The following LINGO2 variants were observed in gnomAD, a reference collection of about 807,000 sequenced individuals.
The protein encoded by LINGO2 is leucine rich repeat and Ig domain containing 2, also known as leucine-rich repeat and immunoglobulin-like domain-containing nogo receptor-interacting protein 2.
Under a neutral mutation model 30.6 loss-of-function variants are expected in LINGO2, and 14 were observed. The observed-to-expected ratio is 0.46, with a 90% CI of 0.30 to 0.72. The LOEUF (loss-of-function observed/expected upper bound fraction) is 0.72, where lower values mean the gene tolerates loss of function less well. Ranked by LOEUF, LINGO2 falls within the 30% of genes least tolerant of loss-of-function variation. The pLI is 0.07. For synonymous variants in LINGO2, 317 were observed against 288.5 expected, an observed-to-expected ratio of 1.10 and a Z score of -1.00; for missense variants, 729 against 751.7, an observed-to-expected ratio of 0.97 and a Z score of 0.35.
intron 1 of LINGO2, among the ~76,000 whole-genome samples, chr9:28,518,959 C>T (rs1378597610): frequency 6.6e-6 from 1 of 152,160 alleles, no homozygotes; most frequent in Non-Finnish European, 1.5e-5. Flanking sequence ...TGTACTGTTG[C>T]ATCCTATAAA....
At chr9:28,430,105 CGCGCGTGTGTGT>C (rs747013967) in intron 2 of LINGO2, among the ~76,000 whole-genome samples, 1 of 30,308 alleles carries the variant, frequency 3.3e-5, no homozygotes, top group Non-Finnish European at 1.1e-4. Flanking sequence ...CACGCGCGCG[CGCGCGTGTGTGT>C]GTGTGTGTGT....
At chr9:28,876,417 C>T in the LINGO2 span, among the ~76,000 whole-genome samples, 1 of 148,022 alleles carries the variant, frequency 6.8e-6, no homozygotes, top group African/African-American at 2.6e-5. Flanking sequence ...CACCCAACAA[C>T]AGTCCCCAGA....
At chr9:28,810,999 T>C in the LINGO2 span, among the ~76,000 whole-genome samples, 2 of 152,170 alleles carry the variant, frequency 1.3e-5, no homozygotes, top group Non-Finnish European at 1.5e-5. Flanking sequence ...TAGCTTCTTA[T>C]TTCCAGCTGA....
the LINGO2 span, among the ~76,000 whole-genome samples, chr9:29,116,431 A>T: frequency 3.3e-5 from 5 of 151,718 alleles, no homozygotes; most frequent in Admixed American, 3.3e-4. Flanking sequence ...TATAATTTGT[A>T]TTCATTTATA....
At chr9:28,567,294 A>G (rs1823430285) in intron 1 of LINGO2, among the ~76,000 whole-genome samples, 1 of 152,108 alleles carries the variant, frequency 6.6e-6, no homozygotes, top group Non-Finnish European at 1.5e-5. Context: ...ACCATTGGCT[A>G]TTTACCCAAA....
chr9:29,191,730 T>G, the LINGO2 span, among the ~76,000 whole-genome samples: 1 of 152,280 alleles, frequency 6.6e-6, no homozygotes, highest in Non-Finnish European at 1.5e-5. Context: ...CATGCATGTT[T>G]CGCTATTCAC....
At chr9:28,943,349 T>C in the LINGO2 span, among the ~76,000 whole-genome samples, 1 of 150,876 alleles carries the variant, frequency 6.6e-6, no homozygotes, top group Non-Finnish European at 1.5e-5. Flanking sequence ...AAAATAAAGA[T>C]CCAAGGAGGT....
the LINGO2 span, among the ~76,000 whole-genome samples, chr9:29,177,369 T>A: frequency 7.2e-5 from 11 of 152,210 alleles, no homozygotes; most frequent in African/African-American, 2.7e-4. Flanking sequence ...GTTAATGTGC[T>A]TTTCAAAATT....
chr9:28,618,728 C>T (rs1229492190), intron 1 of LINGO2, among the ~76,000 whole-genome samples: 2 of 152,100 alleles, frequency 1.3e-5, no homozygotes, highest in Non-Finnish European at 2.9e-5. Flanking sequence ...TTAAATGTTA[C>T]CTTGATCTCA....
intron 4 of LINGO2, among the ~76,000 whole-genome samples, chr9:28,040,723 C>A (rs562939983): frequency 5.5e-4 from 83 of 152,146 alleles, no homozygotes; most frequent in African/African-American, 1.9e-3. Flanking sequence ...CTTTATTATT[C>A]CTGTTTTACT....
At chr9:28,042,832 CAAAT>C (rs1397332888) in intron 4 of LINGO2, among the ~76,000 whole-genome samples, 1 of 152,028 alleles carries the variant, frequency 6.6e-6, no homozygotes, top group Non-Finnish European at 1.5e-5. Context: ...TGTTATTATA[CAAAT>C]AAGAGTTCTG....
the LINGO2 span, among the ~76,000 whole-genome samples, chr9:28,883,628 G>GTGTGTATA: frequency 2.5e-4 from 16 of 64,172 alleles, no homozygotes; most frequent in African/African-American, 7.6e-4. Context: ...ATGTGTGTGT[G>GTGTGTATA]TATATATATA....
chr9:28,479,343 T>C (rs867940329), intron 1 of LINGO2, among the ~76,000 whole-genome samples: 2 of 151,946 alleles, frequency 1.3e-5, no homozygotes, highest in African/African-American at 4.8e-5. Flanking sequence ...AGGTAGCCAA[T>C]TATATTACAA....
At chr9:28,226,691 GAAAGAA>G (rs796940410) in intron 4 of LINGO2, among the ~76,000 whole-genome samples, 1,238 of 77,534 alleles carry the variant, frequency 0.016, 7 homozygotes, top group African/African-American at 0.046. Flanking sequence ...AAGAAAGAAA[GAAAGAA>G]AGAAAGAGAA....
intron 1 of LINGO2, among the ~76,000 whole-genome samples, chr9:28,627,149 C>T (rs755946390): frequency 6.6e-5 from 10 of 151,854 alleles, no homozygotes; most frequent in Admixed American, 1.3e-4. Flanking sequence ...GTAGCCCTTA[C>T]TCTAGGGATT....
chr9:28,418,143 G>T (rs1426680669), intron 2 of LINGO2, among the ~76,000 whole-genome samples: 1 of 152,044 alleles, frequency 6.6e-6, no homozygotes, highest in African/African-American at 2.4e-5. Flanking sequence ...CTAATTTTCT[G>T]GTGTCATGAG....
exon 6 of LINGO2, chr9:27,949,611 T>A: frequency 1.2e-6 from 2 of 1,614,084 alleles, no homozygotes; most frequent in African/African-American, 1.3e-5. Flanking sequence ...CAGAGGGTTG[T>A]TGTTAATGCT....
At chr9:28,190,383 A>G (rs1441816304) in intron 4 of LINGO2, among the ~76,000 whole-genome samples, 3 of 152,146 alleles carry the variant, frequency 2.0e-5, no homozygotes, top group African/African-American at 4.8e-5. Flanking sequence ...CAATGAACCG[A>G]ATATTTTTGT....
At position 28,007,328 on chromosome 9, in the gene LINGO2, T is replaced by C. The variant is rs531637978; in HGVS notation, c.-36+5027A>G. Among the ~76,000 whole-genome samples the C allele has an allele frequency of 1.1e-4, 16 of 151,980 alleles. No homozygotes were observed. In the South Asian group the frequency reaches 1.9e-3, roughly 18 times the overall value. ...TCATTTATAGAAGAATAGAAAACAA[T>C]TGCATGGTAGAAGAGGAGGGCAGGA... On this transcript the variant is annotated intron_variant, in intron 5 of 5. Coordinates refer to ENST00000379992, the Ensembl canonical transcript of LINGO2.
Sources: allele counts gnomAD v4.1 joint callset (sites outside exome capture counted in the v4.1 genomes callset), GRCh38; gene constraint gnomAD v4.1.1; transcripts MANE v1.5; gene names NCBI Gene and HGNC (gene_info 2026-07-23, HGNC 2026-07-21).